Variants in SI observed in about 807,000 individuals in gnomAD.
The protein encoded by SI is sucrase-isomaltase, intestinal.
A neutral mutation model predicts 253.3 loss-of-function variants in SI; 235 were observed. The ratio of observed to expected loss-of-function variants is 0.93; its 90% CI spans 0.83 to 1.03. The LOEUF (loss-of-function observed/expected upper bound fraction) is 1.03. Ranked by LOEUF, SI falls within the 50% of genes least tolerant of loss-of-function variation. SI has a pLI of 0.00. For synonymous variants in SI, 819 were observed against 712.0 expected (o/e 1.15, Z -2.39); for missense variants, 2,442 against 2,211.1 (o/e 1.10, Z -2.09).
intron 3 of SI, among the ~76,000 whole-genome samples, chr3:165,070,669 AT>A (rs1426479464): frequency 6.6e-6 from 1 of 152,098 alleles, no homozygotes; most frequent in African/African-American, 2.4e-5. Context: ...AGTTTAAAAA[AT>A]AAGAGGAAAG....
In SI at chr3:165,029,015, C is replaced by T. The variant is rs186016289; in HGVS notation, c.2892+1697G>A. On this transcript the variant is annotated intron_variant, in intron 25 of 47. Coordinates refer to ENST00000264382, the MANE Select transcript of SI (RefSeq NM_001041.4). The stretch of plus-strand genomic sequence containing the variant: ...CCACAGAGTGGGAGAAAATCTTCAC[C>T]ATCTATACATCTGACAAAGAACGAA... 2.6e-5 allele frequency among the ~76,000 whole-genome samples: 4 copies of T among 151,112 alleles called. No homozygotes were observed. In the East Asian group the frequency reaches 7.8e-4, roughly 29 times the overall value.
chr3:165,065,298 G>A lies in SI; in HGVS notation c.770C>T (p.Thr257Ile), dbSNP rs1407054313. The change falls in exon 7 of 48, where the codon ACA becomes ATA. Residue 257 changes from threonine (T) to isoleucine (I), a missense_variant. Transcript: ENST00000264382. ...KRFRHDLSWK[T>I]WPIFTRDQLP... ...TTGGTCTCGAGTAAAAATTGGCCAT[G>A]TTTTCCAGGATAAATCATGACGAAA... The A allele has an allele frequency of 6.2e-7, 1 of 1,608,484 alleles. No individual in the cohort carries two copies. The highest frequency in any genetic ancestry group is 8.5e-7 in the Non-Finnish European group (1 of 1,176,498).
Position 165,032,686 on chromosome 3 carries a change from A to G in SI, c.2572T>C (p.Leu858=), listed in dbSNP as rs1336302181. The change falls in exon 24 of 48, where the codon TTA becomes CTA. Residue 858 remains leucine, a synonymous_variant. Transcript: ENST00000264382. ...LYTFSVSNNT[L]DIVCTHSSYQ... ...GATGAATGTGTGCACACAATATCTA[A>G]TGTGTTCTGAGAAAAATAGTATAAG... 1.3e-6 allele frequency: 2 copies of G among 1,588,740 alleles called. No individual in the cohort carries two copies. The highest frequency in any genetic ancestry group is 3.4e-5 in the Admixed American group (2 of 59,512).
At position 165,063,511 on chromosome 3, in the gene SI, ATGTT is replaced by A. The variant is rs769229932; in HGVS notation, c.834_837del (p.Gln278HisfsTer18). The A allele has an allele frequency of 1.2e-5, 19 of 1,551,188 alleles. No individual in the cohort carries two copies. Among genetic ancestry groups the A allele is most frequent in the Non-Finnish European group, 1.6e-5 (18 of 1,130,202 alleles). On this transcript the variant is annotated frameshift_variant, in exon 8 of 48. Coordinates refer to ENST00000264382, the MANE Select transcript of SI (RefSeq NM_001041.4). LOFTEE classifies it high-confidence loss of function. ...GATGTATCTTCAATACACATAAAGA[ATGTT>A]TGATGGCCGTATAAATTATTATTAT...
At chr3:165,060,299 G>T (rs1297713530) in intron 9 of SI, among the ~76,000 whole-genome samples, 2 of 151,810 alleles carry the variant, frequency 1.3e-5, no homozygotes. Context: ...AGTAGCTTTT[G>T]CCAAGATATG....
chr3:165,058,032 C>T (rs139629568), intron 12 of SI, among the ~76,000 whole-genome samples: 243 of 145,444 alleles, frequency 1.7e-3, no homozygotes, highest in African/African-American at 5.6e-3. Context: ...TATGTCAGGC[C>T]AAAAAACAAG....
At chr3:165,029,592 A>ATATATATACATATATATGTATATATATG (rs1712122035) in intron 25 of SI, among the ~76,000 whole-genome samples, 1 of 145,530 alleles carries the variant, frequency 6.9e-6, no homozygotes, top group Non-Finnish European at 1.5e-5. Context: ...ATATATATGT[A>ATATATATACATATATATGTATATATATG]TATATATACA....
rs576510887 is a variant in SI, at chr3:165,046,929, T to A, written c.1799A>T (p.His600Leu). 2 of 1,612,970 alleles carry A rather than the reference T, an allele frequency of 1.2e-6. No individual in the cohort carries two copies. Among genetic ancestry groups the A allele is most frequent in the South Asian group, 2.2e-5 (2 of 90,872 alleles). The change falls in exon 16 of 48, where the codon CAT becomes CTT. Residue 600 changes from histidine to leucine, a missense_variant. Coordinates refer to ENST00000264382, the MANE Select transcript of SI (RefSeq NM_001041.4). ...TGAAGCAGTATTGTCTCCTAACCAA[T>A]GCGCAGCATGTCTTCCAGATCCAGC... ...TFAGSGRHAA[H>L]WLGDNTASWE...
At chr3:165,016,923 T>C (rs902886440) in intron 31 of SI, among the ~76,000 whole-genome samples, 15 of 151,964 alleles carry the variant, frequency 9.9e-5, no homozygotes, top group African/African-American at 3.6e-4. Context: ...CAATGTCTTA[T>C]AATGAGGTTT....
At chr3:164,985,945 T>C (rs1188140365) in intron 45 of SI, among the ~76,000 whole-genome samples, 1 of 152,136 alleles carries the variant, frequency 6.6e-6, no homozygotes, top group Non-Finnish European at 1.5e-5. Context: ...TTTAGAAGTT[T>C]AGTATGGTCT....
intron 33 of SI, among the ~76,000 whole-genome samples, chr3:165,013,501 A>C (rs1370420387): frequency 2.6e-5 from 4 of 152,096 alleles, no homozygotes; most frequent in Admixed American, 2.6e-4. Flanking sequence ...GATTTTCAGA[A>C]TTAGTACTAA....
intron 32 of SI, 116 bp from the exon 33 acceptor site, chr3:165,015,349 T>G: frequency 1.4e-6 from 1 of 735,828 alleles, no homozygotes; most frequent in Non-Finnish European, 2.4e-6. Flanking sequence ...TGCTCTCACA[T>G]TAAATGACAA....
At chr3:164,984,682 G>T (rs1258076847) in intron 45 of SI, among the ~76,000 whole-genome samples, 2 of 152,006 alleles carry the variant, frequency 1.3e-5, no homozygotes, top group East Asian at 3.9e-4. Context: ...ATCAAGAATG[G>T]TTAAAATTTA....
intron 33 of SI, among the ~76,000 whole-genome samples, chr3:165,014,891 A>G (rs1279144803): frequency 6.6e-6 from 1 of 152,100 alleles, no homozygotes; most frequent in East Asian, 1.9e-4. Flanking sequence ...TAAATATAAT[A>G]AAATATGTCT....
chr3:164,991,306 T>A, intron 44 of SI, 47 bp downstream of exon 44: 2 of 1,606,164 alleles, frequency 1.2e-6, no homozygotes, highest in Non-Finnish European at 8.5e-7. Context: ...AATGCTAGCA[T>A]GATGTATCTC....
At position 165,032,755 on chromosome 3, in the gene SI, A is replaced by G. The variant is rs374095155; in HGVS notation, c.2566-63T>C. Reference sequence around the variant, plus strand: ...TCAGATACAAACCTGAAATAACAATACCGATAAGAAATAGCAAAAAAAGGT... The same window carrying G: ...TCAGATACAAACCTGAAATAACAATGCCGATAAGAAATAGCAAAAAAAGGT... On this transcript the variant is annotated intron_variant, in intron 23 of 47. Coordinates refer to ENST00000264382, the MANE Select transcript of SI (RefSeq NM_001041.4). The G allele has an allele frequency of 3.5e-6, 4 of 1,131,214 alleles. No individual in the cohort carries two copies. In the East Asian group the frequency reaches 7.6e-5, roughly 22 times the overall value. The allele number at this position is 1,131,214 out of a possible 1,614,324, so 70.1% of individuals were successfully genotyped here. A position where few individuals can be genotyped will look rare whatever the true frequency, so the allele number is the denominator to read the frequency against.
intron 32 of SI, among the ~76,000 whole-genome samples, chr3:165,015,528 T>A (rs1718983820): frequency 6.6e-6 from 1 of 152,108 alleles, no homozygotes. Flanking sequence ...TTACTTCCTA[T>A]AAGATAGTGA....
chr3:165,083,735 C>T, the SI span, among the ~76,000 whole-genome samples: 1 of 151,888 alleles, frequency 6.6e-6, no homozygotes, highest in South Asian at 2.1e-4. Flanking sequence ...TATCTATTAC[C>T]TTCTTTGGCC....
intron 45 of SI, 70 bp downstream of exon 45, chr3:164,987,068 A>T: frequency 8.4e-7 from 1 of 1,190,832 alleles, no homozygotes; most frequent in Non-Finnish European, 1.3e-6. Context: ...AAGAACAATA[A>T]TAGATAACGT....
Sources: gnomAD v4.1 joint callset for allele counts (sites outside exome capture counted in the v4.1 genomes callset) on GRCh38, gnomAD v4.1.1 for gene constraint, MANE v1.5 for transcripts, NCBI Gene and HGNC (gene_info 2026-07-23, HGNC 2026-07-21) for gene names.